Variants in TECTB observed in about 807,000 individuals in gnomAD.
TECTB encodes the protein tectorin beta, also known as beta-tectorin.
In TECTB, 45 loss-of-function variants were observed where a neutral mutation model predicts 43.3. That is an observed-to-expected ratio of 1.04 (90% CI 0.82 to 1.33). The LOEUF (loss-of-function observed/expected upper bound fraction) is 1.33, where lower values mean the gene tolerates loss of function less well. Among genes scored for constraint, TECTB ranks in the 40% most tolerant of loss-of-function variants. The probability of loss-of-function intolerance (pLI) is 0.00; values close to 1 mark genes in which losing one functional copy is unlikely to be tolerated. For missense variants in TECTB, 399 were observed against 404.7 expected, an observed-to-expected ratio of 0.99 and a Z score of 0.12; for synonymous variants, 169 against 156.7, an observed-to-expected ratio of 1.08 and a Z score of -0.59.
chr10:112,284,001 C>T (rs979141460), intron 2 of TECTB, among the ~76,000 whole-genome samples, 191 bp downstream of exon 2: 11 of 152,062 alleles, frequency 7.2e-5, no homozygotes, highest in Admixed American at 4.6e-4. Context: ...TGGATAAACT[C>T]GGACTTTTTT....
chr10:112,289,533 G>A (rs750553792), intron 5 of TECTB, among the ~76,000 whole-genome samples: 47 of 152,136 alleles, frequency 3.1e-4, no homozygotes, highest in Non-Finnish European at 6.5e-4. Flanking sequence ...GATCAGCTCT[G>A]ATATCTGACA....
intron 5 of TECTB, among the ~76,000 whole-genome samples, chr10:112,286,693 G>T (rs1196535974): frequency 6.6e-6 from 1 of 152,164 alleles, no homozygotes; most frequent in Non-Finnish European, 1.5e-5. Context: ...ACCGAGGCAG[G>T]CAGATCATCT....
chr10:112,300,611 G>GA (rs1344831963), intron 9 of TECTB, among the ~76,000 whole-genome samples: 2 of 152,200 alleles, frequency 1.3e-5, no homozygotes, highest in Non-Finnish European at 2.9e-5. Flanking sequence ...TCACTAATGT[G>GA]AAAATCCAAA....
At chr10:112,298,311 C>T in intron 8 of TECTB, 80 bp downstream of exon 8, 1 of 1,525,384 alleles carries the variant, frequency 6.6e-7, no homozygotes, top group Non-Finnish European at 8.9e-7. Flanking sequence ...GTGGGGAGAT[C>T]ATAACCAGGC....
intron 5 of TECTB, among the ~76,000 whole-genome samples, chr10:112,290,600 G>A (rs750456057): frequency 6.6e-6 from 1 of 152,140 alleles, no homozygotes; most frequent in African/African-American, 2.4e-5. Flanking sequence ...AGTTGGGAGC[G>A]ATACCTCTGA....
rs1177913967 is a variant in TECTB, at chr10:112,303,330, G to A, written c.*18G>A. On this transcript the variant is annotated 3_prime_UTR_variant, in exon 11 of 11. Transcript: ENST00000646139. ...TGTTATAGGAGTTAGCCAGGCAGCTGCCGCTCCTCCACCCACAATAGTCCT... is the reference window on the plus strand; with the variant it reads ...TGTTATAGGAGTTAGCCAGGCAGCTACCGCTCCTCCACCCACAATAGTCCT... The A allele has an allele frequency of 1.2e-6, 2 of 1,613,986 alleles. No individual in the cohort carries two copies. The highest frequency in any genetic ancestry group is 2.7e-5 in the African/African-American group (2 of 74,912).
In TECTB at chr10:112,301,241, C is replaced by T. The variant is rs561489006; in HGVS notation, c.908-860C>T. Among the ~76,000 whole-genome samples, 26 of 152,068 alleles carry T rather than the reference C, an allele frequency of 1.7e-4. No homozygotes were observed. In the South Asian group the frequency reaches 2.7e-3, roughly 16 times the overall value. ...AGTTCGAGACCAGCCTGGCCCTGTCCCTACTAGAATACAAAAATTATCCGG... is the reference window on the plus strand; with the variant it reads ...AGTTCGAGACCAGCCTGGCCCTGTCTCTACTAGAATACAAAAATTATCCGG... On this transcript the variant is annotated intron_variant, in intron 9 of 10. Transcript: ENST00000646139.
Position 112,294,593 on chromosome 10 carries a change from G to A in TECTB, c.671+532G>A, listed in dbSNP as rs114562646. Among the ~76,000 whole-genome samples the A allele has an allele frequency of 3.3e-3, 499 of 152,222 alleles. 7 individuals carry two copies. The highest frequency in any genetic ancestry group is 0.011 in the African/African-American group (475 of 41,514). On this transcript the variant is annotated intron_variant, in intron 7 of 10. Transcript: ENST00000646139. Reference sequence around the variant, plus strand: ...TTATTACTAATTAAGTAGATAACCGGGAGCTTTTACAATTTGGAGTAAAGC... The same window carrying A: ...TTATTACTAATTAAGTAGATAACCGAGAGCTTTTACAATTTGGAGTAAAGC...
intron 1 of TECTB, 36 bp from the exon 2 acceptor site, chr10:112,283,612 C>A: frequency 1.2e-6 from 1 of 866,478 alleles, no homozygotes; most frequent in Non-Finnish European, 1.8e-6. Context: ...TTGTTCTTCC[C>A]TTGATTTTAA....
intron 7 of TECTB, among the ~76,000 whole-genome samples, chr10:112,295,064 A>G (rs1848533766): frequency 6.6e-6 from 1 of 152,202 alleles, no homozygotes; most frequent in Non-Finnish European, 1.5e-5. Flanking sequence ...TTAGAATTGT[A>G]CTATTGGAAA....
Position 112,298,156 on chromosome 10 carries a change from C to T in TECTB, c.759C>T (p.Asn253=). The change falls in exon 8 of 11, where the codon AAC becomes AAT. Residue 253 remains asparagine (N), a synonymous_variant. Transcript: ENST00000646139. The part of the protein sequence containing the change: ...TFQFNAFRFQ[N]IPKLSKVWLH... Reference sequence around the variant, plus strand: ...AATTCAATGCTTTCCGGTTCCAGAACATCCCCAAACTCTCCAAGGTGTGGT... The same window carrying T: ...AATTCAATGCTTTCCGGTTCCAGAATATCCCCAAACTCTCCAAGGTGTGGT... 1 of 1,614,236 alleles carries T rather than the reference C, an allele frequency of 6.2e-7. No individual in the cohort carries two copies. The highest frequency in any genetic ancestry group is 1.7e-5 in the Admixed American group (1 of 60,032).
chr10:112,303,550 G>C lies in TECTB; in HGVS notation c.*238G>C, dbSNP rs1259484405. ...AGATCTCACAGTCCTTCTACAGCTG[G>C]GGGAGGAGCCTCCTTTCTCCATACT... On this transcript the variant is annotated 3_prime_UTR_variant, in exon 11 of 11. Coordinates refer to ENST00000646139, the MANE Select transcript of TECTB (RefSeq NM_058222.3). The C allele has an allele frequency of 4.1e-5, 22 of 540,118 alleles. No homozygotes were observed. The South Asian group carries it at 4.9e-4, about 12-fold the overall frequency. 33.5% of individuals were successfully genotyped at this position (540,118 alleles called of 1,614,324 possible).
intron 5 of TECTB, 126 bp downstream of exon 5, chr10:112,286,517 A>C: frequency 9.6e-7 from 1 of 1,040,826 alleles, no homozygotes; most frequent in Non-Finnish European, 1.4e-6. Context: ...ATTCAAGTTG[A>C]AACATGAACT....
chr10:112,286,450 G>A (rs1290681639), intron 5 of TECTB, 59 bp downstream of exon 5: 2 of 1,538,530 alleles, frequency 1.3e-6, no homozygotes, highest in Admixed American at 1.8e-5. Flanking sequence ...AGGAGATGGT[G>A]GGATGCTTCC....
At chr10:112,289,891 A>G (rs1162982767) in intron 5 of TECTB, among the ~76,000 whole-genome samples, 1 of 151,850 alleles carries the variant, frequency 6.6e-6, no homozygotes, top group South Asian at 2.1e-4. Flanking sequence ...ACATGGAGCA[A>G]CTCCGAGATG....
Position 112,286,099 on chromosome 10 carries a change from G to A in TECTB, c.296G>A (p.Ser99Asn). Reference protein sequence around the residue: ...EYKPPIYHFYSHIVSNDTTVI... With the variant: ...EYKPPIYHFYNHIVSNDTTVI... The stretch of plus-strand genomic sequence containing the variant: ...AAGCCACCTATCTATCACTTCTACA[G>A]TCACATCGTTTCCAATGACACCACA... Residue 99 changes from serine (S) to asparagine (N), a missense_variant, in exon 4 of 11, where the codon AGT becomes AAT. Physicochemically the swap from Ser to Asn is conservative, Grantham distance 46. Coordinates refer to ENST00000646139, the MANE Select transcript of TECTB (RefSeq NM_058222.3). The A allele has an allele frequency of 6.2e-7, 1 of 1,614,076 alleles. No individual in the cohort carries two copies. Among genetic ancestry groups the A allele is most frequent in the Non-Finnish European group, 8.5e-7 (1 of 1,179,980 alleles).
chr10:112,303,152 C>A, intron 10 of TECTB, 111 bp from the exon 11 acceptor site: 5 of 1,335,674 alleles, frequency 3.7e-6, no homozygotes, highest in South Asian at 1.2e-5. Flanking sequence ...TCGACTTTGT[C>A]TAAAATGTGT....
At chr10:112,298,435 G>A (rs1402225019) in intron 8 of TECTB, among the ~76,000 whole-genome samples, 4 of 152,196 alleles carry the variant, frequency 2.6e-5, no homozygotes, top group South Asian at 2.1e-4. Flanking sequence ...CAACCCACAT[G>A]GTCTGGCATG....
intron 5 of TECTB, among the ~76,000 whole-genome samples, chr10:112,287,303 C>T (rs1337612739): frequency 6.6e-6 from 1 of 152,212 alleles, no homozygotes; most frequent in Non-Finnish European, 1.5e-5. Context: ...AAATAAAGTG[C>T]TCCAGAGAAA....
Sources: allele counts gnomAD v4.1 joint callset (sites outside exome capture counted in the v4.1 genomes callset), GRCh38; gene constraint gnomAD v4.1.1; transcripts MANE v1.5; gene names NCBI Gene and HGNC (gene_info 2026-07-23, HGNC 2026-07-21).